The following RASAL2 variants were observed in gnomAD, a reference collection of about 807,000 sequenced individuals.
The protein encoded by RASAL2 is ras GTPase-activating protein nGAP.
RASAL2 carries 58 observed loss-of-function variants against 128.9 expected under a neutral mutation model. That is an observed-to-expected ratio of 0.45 (90% confidence interval 0.36 to 0.56). The LOEUF is 0.56. Ranked by LOEUF, RASAL2 falls within the 20% of genes least tolerant of loss-of-function variation. RASAL2 has a pLI of 0.00. For missense variants in RASAL2, 1,360 were observed against 1,601.6 expected, an observed-to-expected ratio of 0.85 and a Z score of 2.57; for synonymous variants, 561 against 580.8, an observed-to-expected ratio of 0.97 and a Z score of 0.49.
At chr1:178,321,333 A>C (rs1199117601) in intron 3 of RASAL2, among the ~76,000 whole-genome samples, 2 of 151,914 alleles carry the variant, frequency 1.3e-5, no homozygotes, top group Non-Finnish European at 2.9e-5. Flanking sequence ...TGATCCACCC[A>C]CCTCGGCCTC....
intron 1 of RASAL2, among the ~76,000 whole-genome samples, chr1:178,267,765 C>T (rs1462717818): frequency 6.6e-6 from 1 of 151,796 alleles, no homozygotes; most frequent in Non-Finnish European, 1.5e-5. Flanking sequence ...ACCTCGTGAT[C>T]ACCCACCTCA....
intron 5 of RASAL2, among the ~76,000 whole-genome samples, chr1:178,426,124 C>G (rs1223449342): frequency 1.3e-5 from 2 of 151,992 alleles, no homozygotes; most frequent in Non-Finnish European, 2.9e-5. Flanking sequence ...CTATTAAAAT[C>G]CCAGCTGATA....
At chr1:178,182,002 T>C (rs1176872025) in intron 1 of RASAL2, among the ~76,000 whole-genome samples, 2 of 152,220 alleles carry the variant, frequency 1.3e-5, no homozygotes, top group Non-Finnish European at 2.9e-5. Flanking sequence ...TGGAAGTCAC[T>C]GTGCTCAGCA....
At chr1:178,329,049 A>G (rs1669171012) in intron 3 of RASAL2, among the ~76,000 whole-genome samples, 1 of 152,194 alleles carries the variant, frequency 6.6e-6, no homozygotes, top group Admixed American at 6.6e-5. Flanking sequence ...TATGTGCCAC[A>G]CACTGTTCTG....
At chr1:178,172,538 G>A (rs1446496895) in intron 1 of RASAL2, among the ~76,000 whole-genome samples, 1 of 151,962 alleles carries the variant, frequency 6.6e-6, no homozygotes, top group African/African-American at 2.4e-5. Flanking sequence ...ATTTTGTGAT[G>A]CTCTCTTTAG....
At chr1:178,337,501 T>G (rs1669646634) in intron 3 of RASAL2, among the ~76,000 whole-genome samples, 1 of 152,148 alleles carries the variant, frequency 6.6e-6, no homozygotes, top group Non-Finnish European at 1.5e-5. Flanking sequence ...TTTTTATGGG[T>G]AAACATGAAA....
chr1:178,333,779 C>A (rs10913535), intron 3 of RASAL2, among the ~76,000 whole-genome samples: 16,169 of 152,160 alleles, frequency 0.11, 910 homozygotes, highest in Middle Eastern at 0.14. Flanking sequence ...AACAAATTAT[C>A]TTTTCTTAGA....
rs112314942 is a variant in RASAL2 at position 178,214,827 on chromosome 1, G to A, written c.203-68737G>A. 2.2e-3 allele frequency among the ~76,000 whole-genome samples: 332 copies of A among 152,232 alleles called. 1 individual carries two copies. The highest frequency in any genetic ancestry group is 3.9e-3 in the Non-Finnish European group (264 of 68,034). ...CCCGCCTCGGCCTCTGAAAGTGCAGGGATTACAGGCATGAGCCACCATGCC... is the reference window on the plus strand; with the variant it reads ...CCCGCCTCGGCCTCTGAAAGTGCAGAGATTACAGGCATGAGCCACCATGCC... On this transcript the variant is annotated intron_variant, in intron 1 of 17. Coordinates refer to ENST00000367649, the MANE Select transcript of RASAL2 (RefSeq NM_170692.4).
intron 1 of RASAL2, among the ~76,000 whole-genome samples, chr1:178,219,485 AG>A (rs1663541646): frequency 6.6e-6 from 1 of 152,034 alleles, no homozygotes; most frequent in South Asian, 2.1e-4. Context: ...TACAAAAAGT[AG>A]AAAAATTAGC....
chr1:178,205,494 C>A (rs1034726200), intron 1 of RASAL2, among the ~76,000 whole-genome samples: 1 of 152,024 alleles, frequency 6.6e-6, no homozygotes, highest in East Asian at 1.9e-4. Flanking sequence ...CAGTGGATCA[C>A]ACCTGTAATC....
intron 9 of RASAL2, among the ~76,000 whole-genome samples, chr1:178,450,309 A>G (rs901740465): frequency 2.0e-5 from 3 of 152,132 alleles, no homozygotes; most frequent in African/African-American, 7.2e-5. Context: ...TTTACAAACA[A>G]GACAGCTGAA....
chr1:178,350,383 G>A (rs532095496), intron 3 of RASAL2, among the ~76,000 whole-genome samples: 1 of 152,268 alleles, frequency 6.6e-6, no homozygotes, highest in South Asian at 2.1e-4. Context: ...ACCACACCTG[G>A]CTAATTTTTT....
At chr1:178,160,525 C>T (rs1661245118) in intron 1 of RASAL2, among the ~76,000 whole-genome samples, 1 of 152,092 alleles carries the variant, frequency 6.6e-6, no homozygotes, top group South Asian at 2.1e-4. Context: ...ATCCCAGCTA[C>T]TTGGGAGGCT....
chr1:178,271,271 G>A (rs1666243598), intron 1 of RASAL2, among the ~76,000 whole-genome samples: 1 of 152,132 alleles, frequency 6.6e-6, no homozygotes. Context: ...GGCCTGCTAA[G>A]TCAGTTACCA....
At chr1:178,359,414 A>T (rs1670988342) in intron 3 of RASAL2, among the ~76,000 whole-genome samples, 1 of 152,210 alleles carries the variant, frequency 6.6e-6, no homozygotes, top group Non-Finnish European at 1.5e-5. Flanking sequence ...GGAAACTTAA[A>T]TATAGCAGGT....
chr1:178,185,582 G>A (rs900006339), intron 1 of RASAL2, among the ~76,000 whole-genome samples: 5 of 151,572 alleles, frequency 3.3e-5, no homozygotes, highest in Non-Finnish European at 7.4e-5. Context: ...GGAGTGAGGG[G>A]GTTAAATCAT....
intron 3 of RASAL2, among the ~76,000 whole-genome samples, chr1:178,342,248 TTCTCTCCATTTTCAA>T (rs1399818332): frequency 6.6e-6 from 1 of 152,220 alleles, no homozygotes; most frequent in Non-Finnish European, 1.5e-5. Flanking sequence ...CTATAGTCTA[TTCTCTCCATTTTCAA>T]TGAAAATTTT....
intron 3 of RASAL2, among the ~76,000 whole-genome samples, chr1:178,336,050 G>A (rs1669570256): frequency 6.6e-6 from 1 of 151,970 alleles, no homozygotes; most frequent in African/African-American, 2.4e-5. Flanking sequence ...TGTGACCTTG[G>A]GCAAGTTACT....
At chr1:178,133,485 CTTTT>C (rs928071975) in intron 1 of RASAL2, among the ~76,000 whole-genome samples, 1 of 137,058 alleles carries the variant, frequency 7.3e-6, no homozygotes, top group African/African-American at 2.7e-5. Flanking sequence ...CCTGTTACTT[CTTTT>C]TTTTTTTTTT....
Sources: gnomAD v4.1 joint callset for allele counts (sites outside exome capture counted in the v4.1 genomes callset) on GRCh38, gnomAD v4.1.1 for gene constraint, MANE v1.5 for transcripts, NCBI Gene and HGNC (gene_info 2026-07-23, HGNC 2026-07-21) for gene names.